Variants in KDM4B observed in about 807,000 individuals in gnomAD.
The protein encoded by KDM4B is lysine demethylase 4B, also known as lysine-specific demethylase 4B.
KDM4B carries 32 observed loss-of-function variants against 125.2 expected under a neutral mutation model. The ratio of observed to expected loss-of-function variants is 0.26; its 90% confidence interval spans 0.19 to 0.34. The LOEUF (loss-of-function observed/expected upper bound fraction) is 0.34. KDM4B is among the 10% of genes least tolerant of loss of function. The pLI is 1.00. For missense variants in KDM4B, 1,190 were observed against 1,577.7 expected, an observed-to-expected ratio of 0.75 and a Z score of 4.16; for synonymous variants, 721 against 677.9, an observed-to-expected ratio of 1.06 and a Z score of -0.99.
chr19:5,088,671 C>A (rs557040690), intron 9 of KDM4B, among the ~76,000 whole-genome samples: 1 of 145,630 alleles, frequency 6.9e-6, no homozygotes, highest in Non-Finnish European at 1.5e-5. Flanking sequence ...CCCCTCCCCC[C>A]CCCCGCAAAA....
At chr19:5,102,982 C>T (rs372099699) in intron 9 of KDM4B, among the ~76,000 whole-genome samples, 69 of 152,362 alleles carry the variant, frequency 4.5e-4, no homozygotes, top group Non-Finnish European at 6.8e-4. Context: ...GAGCCATAGT[C>T]GCCTCTCCTG....
chr19:5,149,217 G>A (rs1050519165), intron 21 of KDM4B, among the ~76,000 whole-genome samples: 5 of 152,366 alleles, frequency 3.3e-5, no homozygotes, highest in South Asian at 2.1e-4. Flanking sequence ...TGCACACTAC[G>A]TGGGGCGTCT....
chr19:5,138,412 C>G, intron 18 of KDM4B: 1 of 282,576 alleles, frequency 3.5e-6, no homozygotes. Context: ...TGCCCCGACA[C>G]AACCGGGCTG....
Position 5,084,317 on chromosome 19 carries a change from T to C in KDM4B, c.918+1813T>C, listed in dbSNP as rs1277414675. On this transcript the variant is annotated intron_variant, in intron 9 of 22. Coordinates refer to ENST00000159111, the MANE Select transcript of KDM4B (RefSeq NM_015015.3). ...TATATAATTTATATATTATGTATAA[T>C]TTATATATTGTATATAATTTATATA... Among the ~76,000 whole-genome samples the C allele has an allele frequency of 9.6e-5, 14 of 146,186 alleles. No homozygotes were observed. The South Asian group carries it at 2.5e-3, about 26-fold the overall frequency.
chr19:5,048,415 C>T (rs116534791), intron 6 of KDM4B, among the ~76,000 whole-genome samples: 4 of 152,208 alleles, frequency 2.6e-5, no homozygotes, highest in Admixed American at 6.5e-5. Flanking sequence ...CTGGGTGCTC[C>T]GCGGGGCTGC....
chr19:5,132,980 G>C (rs913942089), intron 13 of KDM4B, among the ~76,000 whole-genome samples: 1 of 152,152 alleles, frequency 6.6e-6, no homozygotes, highest in Non-Finnish European at 1.5e-5. Flanking sequence ...CCTCCACCTC[G>C]GGGAGCCTGC....
In KDM4B at chr19:5,131,950, C is replaced by T. The variant is rs372756151; in HGVS notation, c.1849C>T (p.Arg617Trp). The change falls in exon 13 of 23, where the codon CGG (arginine) becomes TGG (tryptophan). Residue 617 changes from arginine to tryptophan, a missense_variant. Physicochemically the swap from Arg to Trp is moderately radical, Grantham distance 101. Around this residue, in one of 7 missense-constraint regions of KDM4B, gnomAD observed 13 missense variants for 34.8 expected, o/e 0.37. Coordinates refer to ENST00000159111, the MANE Select transcript of KDM4B (RefSeq NM_015015.3). ...GAAGAGCCGGCGCCATCCCCTGGGC[C>T]GGCCGCCCACCCGGTCCCCACTGTC... ...IKKSRRHPLG[R>W]PPTRSPLSVV... 43 of 1,612,080 alleles carry T rather than the reference C, an allele frequency of 2.7e-5. No homozygotes were observed. The highest frequency in any genetic ancestry group is 3.5e-5 in the Non-Finnish European group (41 of 1,179,624).
rs1026419241 is a variant in KDM4B, at chr19:5,078,094, G to A, written c.780+624G>A. 2.6e-5 allele frequency: 4 copies of A among 154,602 alleles called. No individual in the cohort carries two copies. Among genetic ancestry groups the A allele is most frequent in the African/African-American group, 9.6e-5 (4 of 41,456 alleles). 9.6% of individuals were successfully genotyped at this position (154,602 alleles called of 1,614,324 possible). On this transcript the variant is annotated intron_variant, in intron 8 of 22. Transcript: ENST00000159111. The surrounding 1 kb of genome is among the most constrained non-coding windows in gnomAD (Gnocchi z 4.5). ...ATTTGATGGACAGCTGGGGTTTGGT[G>A]TCCCAGGAGCAGAGCAGGCTGTGCT...
At chr19:5,111,596 G>T in intron 10 of KDM4B, 2 of 729,534 alleles carry the variant, frequency 2.7e-6, no homozygotes, top group East Asian at 5.0e-5. Flanking sequence ...AGGCTTCCAG[G>T]GCTCTGAGCT....
chr19:5,145,833 C>T (rs998895948), intron 21 of KDM4B, among the ~76,000 whole-genome samples: 1 of 152,198 alleles, frequency 6.6e-6, no homozygotes, highest in Admixed American at 6.5e-5. Flanking sequence ...CAGTCGGTGA[C>T]GTCCTGGCCT....
chr19:5,041,683 C>A (rs2036823134), intron 5 of KDM4B, among the ~76,000 whole-genome samples: 1 of 152,250 alleles, frequency 6.6e-6, no homozygotes, highest in Admixed American at 6.5e-5. Context: ...GGGGATCTCC[C>A]ATCCCGAGCC....
At chr19:5,084,331 ATAATTTATATATTGTATG>A (rs1310117597) in intron 9 of KDM4B, among the ~76,000 whole-genome samples, 1 of 145,500 alleles carries the variant, frequency 6.9e-6, no homozygotes, top group Non-Finnish European at 1.5e-5. Flanking sequence ...TATATTGTAT[ATAATTTATATATTGTATG>A]TAATTTATAT....
Position 5,006,392 on chromosome 19 carries a change from C to CG in KDM4B, c.-108-9864dup, listed in dbSNP as rs200967886. On this transcript the variant is annotated intron_variant, in intron 1 of 22. Transcript: ENST00000159111. ...TCCTTCCTGGCACTCCAGGCCCCTC[C>CG]GCCGCATCTTTCTGACTCGTGTTGC... Among the ~76,000 whole-genome samples, 1,090 of 152,304 alleles carry CG rather than the reference C, an allele frequency of 7.2e-3. 12 individuals are homozygous for CG. Among genetic ancestry groups the CG allele is most frequent in the African/African-American group, 0.025 (1,034 of 41,556 alleles).
rs761139604 is a variant in KDM4B, at chr19:5,137,337, C to T, written c.2384C>T (p.Ala795Val). 22 of 1,563,666 alleles carry T rather than the reference C, an allele frequency of 1.4e-5. No homozygotes were observed. The highest frequency in any genetic ancestry group is 8.2e-5 in the South Asian group (7 of 85,026). The change falls in exon 16 of 23, where the codon GCG becomes GTG. Residue 795 changes from alanine (A) to valine (V), a missense_variant and splice_region_variant. By Grantham distance (64) the Ala-to-Val change is moderately conservative. Coordinates refer to ENST00000159111, the MANE Select transcript of KDM4B (RefSeq NM_015015.3). ...CSRCAAHAWTAECCLCNLRGG... is the reference protein window; with the variant it reads ...CSRCAAHAWTVECCLCNLRGG... The stretch of plus-strand genomic sequence containing the variant: ...CGGTGCGCGGCCCACGCCTGGACTG[C>T]GGTAACTCGCTCCCCGCAGCGGGGG...
chr19:5,020,904 T>C lies in KDM4B; in HGVS notation c.-26+4565T>C, dbSNP rs150963241. On this transcript the variant is annotated intron_variant, in intron 2 of 22. Transcript: ENST00000159111. ...GCTCACGCCTGTCATACCAGCACTTTGGGAGGCTGAGGCAGGCGGATCACC... is the reference window on the plus strand; with the variant it reads ...GCTCACGCCTGTCATACCAGCACTTCGGGAGGCTGAGGCAGGCGGATCACC... Among the ~76,000 whole-genome samples, 865 of 152,192 alleles carry C rather than the reference T, an allele frequency of 5.7e-3. 6 individuals are homozygous for C. Among genetic ancestry groups the C allele is most frequent in the African/African-American group, 0.02 (830 of 41,520 alleles).
Position 5,151,345 on chromosome 19 carries a change from CG to C in KDM4B, c.3130del (p.Ala1044HisfsTer153). ...TCCGCTCTCCCGCAGTCACTGAGCA[CG>C]GGGGCACCGCAGGAGCCCGCCTTCT... Reference protein sequence around the residue: ...KRVRSRLSLSTGAPQEPAFSG... With the variant: ...KRVRSRLSLSXGAPQEPAFSG... On this transcript the variant is annotated frameshift_variant, in exon 23 of 23. Coordinates refer to ENST00000159111, the MANE Select transcript of KDM4B (RefSeq NM_015015.3). LOFTEE classifies it high-confidence loss of function. 4 of 1,562,278 alleles carry C rather than the reference CG, an allele frequency of 2.6e-6. No individual in the cohort carries two copies. The highest frequency in any genetic ancestry group is 2.0e-4 in the Middle Eastern group (1 of 5,106).
intron 9 of KDM4B, among the ~76,000 whole-genome samples, chr19:5,088,665 T>TCC (rs35143112): frequency 0.013 from 1,310 of 103,686 alleles, 24 homozygotes; most frequent in South Asian, 0.03. Context: ...GCCCCCCCCC[T>TCC]CCCCCCCCCC....
chr19:5,003,528 G>A (rs186376059), intron 1 of KDM4B, among the ~76,000 whole-genome samples: 7 of 152,020 alleles, frequency 4.6e-5, no homozygotes, highest in Admixed American at 1.3e-4. Context: ...TCCCTGCTTG[G>A]CCAGGTGCAG....
chr19:5,020,967 T>C (rs1016335736), intron 2 of KDM4B, among the ~76,000 whole-genome samples: 6 of 151,718 alleles, frequency 4.0e-5, no homozygotes, highest in Non-Finnish European at 7.4e-5. Flanking sequence ...GTTAACATGG[T>C]GAAACTCCGT....
Sources: gnomAD v4.1 joint callset for allele counts (sites outside exome capture counted in the v4.1 genomes callset) on GRCh38, gnomAD v4.1.1 for gene constraint, gnomAD v4.1.1 regional missense constraint, Gnocchi (gnomAD v3.1) non-coding constraint, MANE v1.5 for transcripts, NCBI Gene and HGNC (gene_info 2026-07-23, HGNC 2026-07-21) for gene names.